BBS9: variants seen among roughly 807,000 people sequenced by gnomAD.
The protein encoded by BBS9 is protein PTHB1.
A neutral mutation model predicts 117.7 loss-of-function variants in BBS9; 89 were observed. The ratio of observed to expected loss-of-function variants is 0.76; its 90% CI spans 0.64 to 0.90. The LOEUF (loss-of-function observed/expected upper bound fraction) is 0.90, where lower values mean the gene tolerates loss of function less well. Among genes scored for constraint, BBS9 ranks in the 40% least tolerant of loss-of-function variants. The pLI is 0.00. For synonymous variants in BBS9, 379 were observed against 370.9 expected, an observed-to-expected ratio of 1.02 and a Z score of -0.25; for missense variants, 982 against 1,042.2, an observed-to-expected ratio of 0.94 and a Z score of 0.80.
At chr7:33,444,496 G>C (rs557072528) in intron 19 of BBS9, among the ~76,000 whole-genome samples, 1 of 152,134 alleles carries the variant, frequency 6.6e-6, no homozygotes, top group South Asian at 2.1e-4. Flanking sequence ...TACTGCTAAG[G>C]ACTTTAATTG....
chr7:33,281,769 C>T (rs980836783), intron 9 of BBS9, among the ~76,000 whole-genome samples: 2 of 151,734 alleles, frequency 1.3e-5, no homozygotes, highest in Non-Finnish European at 2.9e-5. Flanking sequence ...TTATATTTCA[C>T]CTTCAGACTT....
chr7:33,261,983 C>G (rs1381745762), intron 6 of BBS9, among the ~76,000 whole-genome samples: 1 of 152,152 alleles, frequency 6.6e-6, no homozygotes, highest in Non-Finnish European at 1.5e-5. Flanking sequence ...TATTTTATTT[C>G]AGAATTTCCA....
At chr7:33,441,563 T>C (rs1342653685) in intron 19 of BBS9, among the ~76,000 whole-genome samples, 2 of 152,246 alleles carry the variant, frequency 1.3e-5, no homozygotes, top group Non-Finnish European at 1.5e-5. Context: ...TAGAATGTTC[T>C]TTCTGAGATC....
At chr7:33,558,563 C>T (rs950115778) in intron 21 of BBS9, among the ~76,000 whole-genome samples, 1 of 151,978 alleles carries the variant, frequency 6.6e-6, no homozygotes, top group Non-Finnish European at 1.5e-5. Flanking sequence ...ATAGAGGAGG[C>T]CTTGTTTCAA....
chr7:33,300,612 G>GCT (rs756955550), intron 9 of BBS9, among the ~76,000 whole-genome samples: 21 of 136,032 alleles, frequency 1.5e-4, no homozygotes, highest in African/African-American at 5.3e-4. Flanking sequence ...GACTTTCCTT[G>GCT]TTTTTTTTTT....
At chr7:33,526,753 A>C (rs1359054309) in intron 20 of BBS9, among the ~76,000 whole-genome samples, 1 of 151,376 alleles carries the variant, frequency 6.6e-6, no homozygotes, top group Non-Finnish European at 1.5e-5. Context: ...CAGCTCGTCA[A>C]AGTCATTCTC....
intron 17 of BBS9, among the ~76,000 whole-genome samples, chr7:33,374,515 T>C (rs1253653960): frequency 6.6e-6 from 1 of 152,170 alleles, no homozygotes; most frequent in Non-Finnish European, 1.5e-5. Flanking sequence ...GAATATTATA[T>C]AAATCTAGCT....
intron 18 of BBS9, among the ~76,000 whole-genome samples, chr7:33,386,465 TTTA>T (rs1439268531): frequency 1.4e-5 from 2 of 139,772 alleles, no homozygotes; most frequent in Non-Finnish European, 1.5e-5. Flanking sequence ...CATTTATTTA[TTTA>T]TTTATTTATT....
At chr7:33,545,025 C>T (rs1395091529) in intron 21 of BBS9, among the ~76,000 whole-genome samples, 1 of 152,110 alleles carries the variant, frequency 6.6e-6, no homozygotes, top group Non-Finnish European at 1.5e-5. Context: ...AACTGAAGGG[C>T]TGGTCTCACA....
chr7:33,328,115 A>G (rs894384115), intron 9 of BBS9, among the ~76,000 whole-genome samples: 2 of 152,188 alleles, frequency 1.3e-5, no homozygotes, highest in African/African-American at 4.8e-5. Context: ...TTAAGACTGA[A>G]TGAGGTCACC....
chr7:33,492,076 G>A (rs1843999507), intron 19 of BBS9, among the ~76,000 whole-genome samples: 1 of 151,652 alleles, frequency 6.6e-6, no homozygotes, highest in South Asian at 2.1e-4. Context: ...GGTGGCGAAT[G>A]CCTATAATCC....
At chr7:33,278,752 C>T (rs1040302382) in intron 9 of BBS9, among the ~76,000 whole-genome samples, 4 of 152,166 alleles carry the variant, frequency 2.6e-5, no homozygotes, top group African/African-American at 9.7e-5. Context: ...TAGAAATAAG[C>T]AGTTGTAAGA....
intron 11 of BBS9, among the ~76,000 whole-genome samples, chr7:33,342,857 G>A (rs961434518): frequency 6.6e-6 from 1 of 152,154 alleles, no homozygotes; most frequent in Middle Eastern, 3.2e-3. Flanking sequence ...ATAGCTAAAT[G>A]TAAAATATTT....
intron 21 of BBS9, among the ~76,000 whole-genome samples, chr7:33,579,218 G>C (rs945263787): frequency 2.6e-5 from 4 of 152,140 alleles, no homozygotes; most frequent in Admixed American, 2.6e-4. Flanking sequence ...CCCTTCAGGG[G>C]CCTCCAAAAA....
chr7:33,411,500 A>G (rs1015509379), intron 19 of BBS9, among the ~76,000 whole-genome samples: 1 of 152,124 alleles, frequency 6.6e-6, no homozygotes, highest in African/African-American at 2.4e-5. Context: ...CCTTTTTCCT[A>G]TACATGTAAA....
At chr7:33,515,502 T>C (rs1847624457) in intron 20 of BBS9, among the ~76,000 whole-genome samples, 1 of 152,234 alleles carries the variant, frequency 6.6e-6, no homozygotes, top group Non-Finnish European at 1.5e-5. Context: ...ACTTTCCTTT[T>C]CGACTAAACT....
At chr7:33,302,367 G>A (rs1833176) in intron 9 of BBS9, among the ~76,000 whole-genome samples, 17,971 of 152,084 alleles carry the variant, frequency 0.12, 1,282 homozygotes, top group African/African-American at 0.2. Context: ...TAATATCCTG[G>A]AGAGTTTCCC....
chr7:33,150,565 G>A (rs1453471782), intron 2 of BBS9, among the ~76,000 whole-genome samples: 1 of 152,140 alleles, frequency 6.6e-6, no homozygotes, highest in Non-Finnish European at 1.5e-5. Flanking sequence ...AAATACTGAA[G>A]GAGCTGAGAA....
At chr7:33,376,898 T>A (rs1823999433) in intron 17 of BBS9, among the ~76,000 whole-genome samples, 2 of 152,134 alleles carry the variant, frequency 1.3e-5, no homozygotes, top group Non-Finnish European at 2.9e-5. Context: ...GGGGTTGCTT[T>A]TTTTTTCTGG....
Sources: gnomAD v4.1 joint callset for allele counts (sites outside exome capture counted in the v4.1 genomes callset) on GRCh38, gnomAD v4.1.1 for gene constraint, MANE v1.5 for transcripts, NCBI Gene and HGNC (gene_info 2026-07-23, HGNC 2026-07-21) for gene names.